ARL15: variants seen among roughly 807,000 people sequenced by gnomAD.
ARL15 encodes ADP-ribosylation factor-like protein 15.
Under a neutral mutation model 25.2 loss-of-function variants are expected in ARL15, and 19 were observed. That is an observed-to-expected ratio of 0.75 (90% CI 0.53 to 1.10). ARL15 has a LOEUF of 1.10. Ranked by LOEUF, ARL15 falls within the 50% of genes least tolerant of loss-of-function variation. The pLI is 0.00. For missense variants in ARL15, 220 were observed against 246.0 expected (o/e 0.89, Z 0.71); for synonymous variants, 94 against 86.8 (o/e 1.08, Z -0.46).
At chr5:54,280,242 C>T (rs1758021550) in intron 1 of ARL15, among the ~76,000 whole-genome samples, 1 of 152,192 alleles carries the variant, frequency 6.6e-6, no homozygotes, top group Non-Finnish European at 1.5e-5. Flanking sequence ...ACTTCATAGA[C>T]ATTCCCCAAC....
At chr5:54,257,166 A>G (rs80140221) in intron 1 of ARL15, among the ~76,000 whole-genome samples, 62 of 152,352 alleles carry the variant, frequency 4.1e-4, no homozygotes, top group African/African-American at 1.4e-3. Context: ...TGCCAATGAT[A>G]AATGAATTCA....
chr5:54,241,829 T>C (rs941492024), intron 1 of ARL15, among the ~76,000 whole-genome samples: 12 of 152,212 alleles, frequency 7.9e-5, no homozygotes, highest in African/African-American at 2.9e-4. Flanking sequence ...GCAGAAAGAA[T>C]GCCATAACTT....
chr5:54,013,077 G>A (rs1380479676), intron 4 of ARL15, among the ~76,000 whole-genome samples: 1 of 152,164 alleles, frequency 6.6e-6, no homozygotes, highest in Admixed American at 6.5e-5. Flanking sequence ...TGGGATTACA[G>A]GTGTGAGCCA....
At chr5:54,186,147 CA>C (rs1413206675) in intron 1 of ARL15, among the ~76,000 whole-genome samples, 1 of 152,156 alleles carries the variant, frequency 6.6e-6, no homozygotes, top group African/African-American at 2.4e-5. Context: ...TAGACCTAGA[CA>C]AAAGCATAAC....
At chr5:54,233,999 T>C (rs1185597068) in intron 1 of ARL15, among the ~76,000 whole-genome samples, 1 of 152,116 alleles carries the variant, frequency 6.6e-6, no homozygotes, top group Non-Finnish European at 1.5e-5. Context: ...ATGTAATGGG[T>C]TTATTTTTAT....
intron 3 of ARL15, among the ~76,000 whole-genome samples, chr5:54,137,284 C>T (rs16882292): frequency 0.016 from 2,377 of 152,256 alleles, 57 homozygotes; most frequent in African/African-American, 0.052. Context: ...CTTGTGTCCT[C>T]CTCTGGTGAC....
In ARL15 at chr5:54,186,041, C is replaced by T. The variant is rs181606135; in HGVS notation, c.49-14113G>A. Among the ~76,000 whole-genome samples the T allele has an allele frequency of 3.2e-3, 483 of 152,164 alleles. 10 individuals are homozygous for T. Among genetic ancestry groups the T allele is most frequent in the Non-Finnish European group, 8.2e-4 (56 of 68,018 alleles). On this transcript the variant is annotated intron_variant, in intron 1 of 4. Coordinates refer to ENST00000504924, the MANE Select transcript of ARL15 (RefSeq NM_019087.3). The stretch of plus-strand genomic sequence containing the variant: ...GGACAATCGTTGGATTATTTTCTTC[C>T]CCTAAAGGTGAAGAAAACCCCTAAA...
intron 4 of ARL15, among the ~76,000 whole-genome samples, chr5:53,950,882 G>A (rs1415375578): frequency 3.9e-5 from 6 of 152,170 alleles, no homozygotes; most frequent in Non-Finnish European, 7.4e-5. Context: ...CGAGACAGAC[G>A]GGAACACTGA....
At chr5:54,240,468 C>T (rs1376756164) in intron 1 of ARL15, among the ~76,000 whole-genome samples, 1 of 152,110 alleles carries the variant, frequency 6.6e-6, no homozygotes, top group African/African-American at 2.4e-5. Flanking sequence ...TTGATCCACG[C>T]TTGCACAGAA....
intron 1 of ARL15, among the ~76,000 whole-genome samples, chr5:54,249,306 C>T (rs1411420920): frequency 6.6e-6 from 1 of 152,026 alleles, no homozygotes; most frequent in African/African-American, 2.4e-5. Flanking sequence ...GTAGAACTTT[C>T]TATGTACATC....
chr5:54,270,649 C>T (rs970033321), intron 1 of ARL15, among the ~76,000 whole-genome samples: 2 of 152,214 alleles, frequency 1.3e-5, no homozygotes, highest in Non-Finnish European at 2.9e-5. Flanking sequence ...CATGGCCCTT[C>T]TAAAGGAAGC....
At chr5:54,125,660 G>C (rs1003645451) in intron 3 of ARL15, among the ~76,000 whole-genome samples, 1 of 152,130 alleles carries the variant, frequency 6.6e-6, no homozygotes, top group East Asian at 1.9e-4. Context: ...TTGAACATCT[G>C]TTTTCAATTA....
At chr5:54,169,181 T>C (rs1754656034) in intron 2 of ARL15, among the ~76,000 whole-genome samples, 1 of 152,162 alleles carries the variant, frequency 6.6e-6, no homozygotes, top group African/African-American at 2.4e-5. Flanking sequence ...CAGATAATCT[T>C]TTACACTATA....
chr5:54,006,999 G>A (rs1414252956), intron 4 of ARL15, among the ~76,000 whole-genome samples: 2 of 152,220 alleles, frequency 1.3e-5, no homozygotes, highest in Non-Finnish European at 1.5e-5. Flanking sequence ...GCTGAGGCAG[G>A]AGAATTGCTT....
rs189264865 is a variant in ARL15 at position 53,887,079 on chromosome 5, T to C, written c.463-366A>G. ...ATCAAAATAATTAGCAGAGTAGCTT[T>C]CACTATCTCACCTTGCCAACTTATT... On this transcript the variant is annotated intron_variant, in intron 4 of 4. Transcript: ENST00000504924. 1.8e-4 allele frequency among the ~76,000 whole-genome samples: 27 copies of C among 152,332 alleles called. 1 individual carries two copies. The East Asian group carries it at 3.7e-3, about 21-fold the overall frequency.
chr5:54,058,014 TTA>T (rs777527466), intron 4 of ARL15, among the ~76,000 whole-genome samples: 48,899 of 133,288 alleles, frequency 0.37, 8,525 homozygotes, highest in Admixed American at 0.45. Flanking sequence ...ATTTATTTAT[TTA>T]TTTTTTTTGA....
At chr5:54,248,134 T>C (rs528399834) in intron 1 of ARL15, among the ~76,000 whole-genome samples, 97 of 152,298 alleles carry the variant, frequency 6.4e-4, no homozygotes, top group Non-Finnish European at 1.1e-3. Context: ...AACTAAATTG[T>C]ATCTCCCCCC....
rs530690289 is a variant in ARL15 at position 54,173,190 on chromosome 5, A to C, written c.49-1262T>G. Among the ~76,000 whole-genome samples the C allele has an allele frequency of 2.4e-4, 37 of 151,988 alleles. No homozygotes were observed. The South Asian group carries it at 7.7e-3, about 32-fold the overall frequency. On this transcript the variant is annotated intron_variant, in intron 1 of 4. Coordinates refer to ENST00000504924, the MANE Select transcript of ARL15 (RefSeq NM_019087.3). ...AAGAGCGAGACTCCATCTCAGAAAA[A>C]AAAAAAAAAGAAAAGAAAAGAAAGA... is the stretch of plus-strand genomic sequence containing the variant.
chr5:54,243,336 T>C (rs1366365194), intron 1 of ARL15, among the ~76,000 whole-genome samples: 1 of 152,234 alleles, frequency 6.6e-6, no homozygotes, highest in Non-Finnish European at 1.5e-5. Flanking sequence ...CAAAAGCCTG[T>C]TATTTGTATA....
Sources: allele counts gnomAD v4.1 joint callset (sites outside exome capture counted in the v4.1 genomes callset), GRCh38; gene constraint gnomAD v4.1.1; transcripts MANE v1.5; gene names NCBI Gene and HGNC (gene_info 2026-07-23, HGNC 2026-07-21).